Variants in ADAM12 observed in about 807,000 individuals in gnomAD.
ADAM12 encodes the protein disintegrin and metalloproteinase domain-containing protein 12.
Under a neutral mutation model 106.4 loss-of-function variants are expected in ADAM12, and 70 were observed. The ratio of observed to expected loss-of-function variants is 0.66; its 90% CI spans 0.54 to 0.80. The LOEUF (loss-of-function observed/expected upper bound fraction) is 0.80. Ranked by LOEUF, ADAM12 falls within the 30% of genes least tolerant of loss-of-function variation. The pLI, the probability that ADAM12 is intolerant of heterozygous loss-of-function variation, is 0.00. For synonymous variants in ADAM12, 420 were observed against 433.5 expected (o/e 0.97, Z 0.39); for missense variants, 1,010 against 1,171.9 (o/e 0.86, Z 2.02).
chr10:126,148,939 G>A (rs560491082), intron 4 of ADAM12, among the ~76,000 whole-genome samples: 1 of 152,284 alleles, frequency 6.6e-6, no homozygotes, highest in Admixed American at 6.5e-5. Context: ...TCCATGGAGG[G>A]AGGGAGGGGC....
chr10:126,042,433 A>G (rs1011676407), intron 18 of ADAM12, among the ~76,000 whole-genome samples: 1 of 152,142 alleles, frequency 6.6e-6, no homozygotes, highest in Non-Finnish European at 1.5e-5. Flanking sequence ...GCGAGATCAC[A>G]TTAGGCAAAT....
intron 2 of ADAM12, among the ~76,000 whole-genome samples, chr10:126,291,446 T>C (rs765571224): frequency 6.6e-5 from 10 of 152,250 alleles, no homozygotes; most frequent in Non-Finnish European, 1.5e-4. Context: ...AGCTAATTGC[T>C]AACTTTTTAG....
intron 4 of ADAM12, among the ~76,000 whole-genome samples, chr10:126,142,932 A>G (rs12761170): frequency 0.32 from 49,200 of 151,778 alleles, 8,310 homozygotes; most frequent in Non-Finnish European, 0.38. Flanking sequence ...TATGGGGTGC[A>G]TGGGTGTGCA....
chr10:126,070,834 T>TA (rs1954973401), intron 12 of ADAM12, among the ~76,000 whole-genome samples: 1 of 152,206 alleles, frequency 6.6e-6, no homozygotes, highest in Non-Finnish European at 1.5e-5. Context: ...ATTCAGAGAT[T>TA]AAAAAGTGAC....
chr10:126,137,751 C>T (rs1338861493), intron 4 of ADAM12, among the ~76,000 whole-genome samples: 1 of 152,184 alleles, frequency 6.6e-6, no homozygotes, highest in Non-Finnish European at 1.5e-5. Flanking sequence ...CACCTTCTGC[C>T]TTGTGGATGA....
intron 11 of ADAM12, among the ~76,000 whole-genome samples, chr10:126,089,792 C>A (rs1955428104): frequency 6.6e-6 from 1 of 151,956 alleles, no homozygotes; most frequent in Non-Finnish European, 1.5e-5. Flanking sequence ...TGCACCTGAA[C>A]TCCCTTCCTT....
At chr10:126,355,754 G>A (rs1192291001) in intron 1 of ADAM12, among the ~76,000 whole-genome samples, 7 of 152,320 alleles carry the variant, frequency 4.6e-5, no homozygotes, top group South Asian at 2.1e-4. Context: ...GCGGCATGGC[G>A]AGACCAGCTG....
chr10:126,096,585 T>C (rs1955562713), intron 10 of ADAM12, among the ~76,000 whole-genome samples: 1 of 152,368 alleles, frequency 6.6e-6, no homozygotes, highest in South Asian at 2.1e-4. Context: ...CCTCTTAGAT[T>C]TGTGGTCCTC....
chr10:126,370,394 G>T (rs1382635068), intron 1 of ADAM12, among the ~76,000 whole-genome samples: 1 of 152,156 alleles, frequency 6.6e-6, no homozygotes, highest in African/African-American at 2.4e-5. Flanking sequence ...GTTGAGTCCT[G>T]CATTTTATTT....
chr10:126,118,275 G>A, intron 5 of ADAM12, 51 bp from the exon 6 acceptor site: 1 of 1,354,010 alleles, frequency 7.4e-7, no homozygotes. Flanking sequence ...ACAGCTTCTT[G>A]TTTATGGCCA....
chr10:126,081,957 G>A (rs1288067365), intron 11 of ADAM12, among the ~76,000 whole-genome samples: 1 of 152,202 alleles, frequency 6.6e-6, no homozygotes, highest in Non-Finnish European at 1.5e-5. Context: ...AAATTTGAGA[G>A]CAAGATGATT....
At chr10:126,371,376 G>A (rs754451365) in intron 1 of ADAM12, among the ~76,000 whole-genome samples, 1 of 152,226 alleles carries the variant, frequency 6.6e-6, no homozygotes, top group Admixed American at 6.5e-5. Flanking sequence ...GCACTGAACT[G>A]AGTAAACATT....
chr10:126,097,503 A>T (rs150089288), intron 10 of ADAM12, among the ~76,000 whole-genome samples: 1 of 152,374 alleles, frequency 6.6e-6, no homozygotes, highest in Admixed American at 6.5e-5. Context: ...GAAAGTAATC[A>T]TCAGCAGAAC....
At chr10:126,201,856 G>T (rs976154813) in intron 3 of ADAM12, among the ~76,000 whole-genome samples, 8 of 152,224 alleles carry the variant, frequency 5.3e-5, no homozygotes, top group Non-Finnish European at 8.8e-5. Flanking sequence ...ACAGAGAGGT[G>T]TTGGCTCTGA....
At chr10:126,103,096 T>A (rs1955699090) in intron 8 of ADAM12, among the ~76,000 whole-genome samples, 1 of 152,188 alleles carries the variant, frequency 6.6e-6, no homozygotes, top group African/African-American at 2.4e-5. Flanking sequence ...AAGGACTAAT[T>A]GTCATCATTC....
intron 2 of ADAM12, among the ~76,000 whole-genome samples, chr10:126,285,667 G>A (rs1270732153): frequency 1.3e-5 from 2 of 152,116 alleles, no homozygotes; most frequent in Non-Finnish European, 2.9e-5. Flanking sequence ...TCCTAGGAGG[G>A]AAGCTTTGTC....
chr10:126,080,552 T>C (rs984224839), intron 11 of ADAM12, among the ~76,000 whole-genome samples: 2 of 152,178 alleles, frequency 1.3e-5, no homozygotes, highest in African/African-American at 4.8e-5. Context: ...TGCTTTCAGC[T>C]CAGAGGCAGA....
chr10:126,017,469 C>T, intron 22 of ADAM12, 130 bp from the exon 23 acceptor site: 1 of 807,698 alleles, frequency 1.2e-6, no homozygotes. Context: ...CACTGCCCCT[C>T]ATAACGGGGG....
At chr10:126,077,432 C>T (rs1364954420) in intron 11 of ADAM12, among the ~76,000 whole-genome samples, 2 of 152,084 alleles carry the variant, frequency 1.3e-5, no homozygotes, top group African/African-American at 4.8e-5. Context: ...GCCTGAATAA[C>T]CAAAGCTATC....
Sources: allele counts gnomAD v4.1 joint callset (sites outside exome capture counted in the v4.1 genomes callset), GRCh38; gene constraint gnomAD v4.1.1; transcripts MANE v1.5; gene names NCBI Gene and HGNC (gene_info 2026-07-23, HGNC 2026-07-21).